Variants in PRH1 observed in about 807,000 individuals in gnomAD.
PRH1 encodes salivary acidic proline-rich phosphoprotein 1/2.
PRH1 carries 7 observed loss-of-function variants against 7.9 expected under a neutral mutation model. The observed-to-expected ratio is 0.89, with a 90% CI of 0.50 to 1.67. The LOEUF (loss-of-function observed/expected upper bound fraction) is 1.67. Among genes scored for constraint, PRH1 ranks in the 40% most tolerant of loss-of-function variants. The probability of loss-of-function intolerance (pLI) is 0.00; values close to 1 mark genes in which losing one functional copy is unlikely to be tolerated. For synonymous variants in PRH1, 45 were observed against 80.8 expected (o/e 0.56, Z 2.38); for missense variants, 109 against 223.6 (o/e 0.49, Z 3.27).
chr12:11,132,341 T>G (rs1946376266), intron 1 of PRH1, among the ~76,000 whole-genome samples: 1 of 152,266 alleles, frequency 6.6e-6, no homozygotes, highest in Non-Finnish European at 1.5e-5. Context: ...TTGACAGATT[T>G]TTTTTTAGAA....
chr12:10,892,617 A>G (rs1208043578), intron 2 of PRH1, among the ~76,000 whole-genome samples: 7 of 152,166 alleles, frequency 4.6e-5, no homozygotes, highest in African/African-American at 1.4e-4. Flanking sequence ...AGAATATCCC[A>G]TATCATGATA....
chr12:11,110,345 G>A (rs1945551766), intron 1 of PRH1, among the ~76,000 whole-genome samples: 1 of 152,012 alleles, frequency 6.6e-6, no homozygotes, highest in Admixed American at 6.5e-5. Context: ...CTTGAGAAGA[G>A]CACCCAAAAA....
chr12:11,044,251 G>T (rs957716561), intron 1 of PRH1, among the ~76,000 whole-genome samples: 1 of 152,144 alleles, frequency 6.6e-6, no homozygotes, highest in African/African-American at 2.4e-5. Flanking sequence ...GCAGAAGAAT[G>T]AAACTAGTCC....
chr12:10,938,236 AT>A (rs760868761), intron 2 of PRH1: 182 of 1,493,976 alleles, frequency 1.2e-4, no homozygotes, highest in Middle Eastern at 1.1e-3. Flanking sequence ...CTTAGGAGCT[AT>A]TTTTTTTCTA....
intron 2 of PRH1, among the ~76,000 whole-genome samples, chr12:10,904,218 A>G (rs1949769603): frequency 6.6e-6 from 1 of 152,064 alleles, no homozygotes; most frequent in African/African-American, 2.4e-5. Flanking sequence ...CCAAATAGCA[A>G]AAGCAACCCT....
intron 1 of PRH1, among the ~76,000 whole-genome samples, chr12:11,086,113 CA>C (rs1369726987): frequency 0.025 from 560 of 22,342 alleles, 24 homozygotes; most frequent in African/African-American, 0.034. Flanking sequence ...TTCCCCCCCC[CA>C]CACACACACC....
At chr12:11,066,561 T>C (rs77909008) in intron 1 of PRH1, among the ~76,000 whole-genome samples, 23,922 of 63,666 alleles carry the variant, frequency 0.38, 2,862 homozygotes, top group Non-Finnish European at 0.5. Context: ...CCCACAATGA[T>C]GGTCTTTTAA....
chr12:10,970,910 G>A (rs565081532), intron 2 of PRH1, among the ~76,000 whole-genome samples: 1 of 152,088 alleles, frequency 6.6e-6, no homozygotes, highest in South Asian at 2.1e-4. Context: ...TAGTCTATTT[G>A]ACTTTATTCA....
intron 1 of PRH1, among the ~76,000 whole-genome samples, chr12:11,101,695 A>G (rs1336657748): frequency 2.0e-5 from 3 of 152,184 alleles, no homozygotes; most frequent in Non-Finnish European, 4.4e-5. Context: ...ACAGAGTAAT[A>G]ACAACTAATA....
intron 1 of PRH1, among the ~76,000 whole-genome samples, chr12:11,073,596 G>A (rs148435543): frequency 0.014 from 2,141 of 151,832 alleles, no homozygotes; most frequent in South Asian, 0.029. Flanking sequence ...TTAAATCCCT[G>A]TTCAGTTAAC....
intron 2 of PRH1, chr12:10,909,250 A>C: frequency 6.2e-7 from 1 of 1,613,732 alleles, no homozygotes; most frequent in Non-Finnish European, 8.5e-7. Context: ...CCAATTATGA[A>C]TTCTGCAATT....
intron 1 of PRH1, among the ~76,000 whole-genome samples, chr12:11,168,213 GAA>G (rs66760114): frequency 0.36 from 7,049 of 19,384 alleles, 1,982 homozygotes; most frequent in East Asian, 0.67. Context: ...AAGAAAGAAA[GAA>G]GAAAGAAAGA....
chr12:11,084,808 TTTTTC>T (rs1944633562), intron 1 of PRH1, among the ~76,000 whole-genome samples: 2 of 113,034 alleles, frequency 1.8e-5, no homozygotes, highest in African/African-American at 3.0e-5. Flanking sequence ...TTCATATTCT[TTTTTC>T]TTTTCTTTTC....
intron 1 of PRH1, among the ~76,000 whole-genome samples, chr12:11,167,210 A>T (rs1947606788): frequency 6.6e-6 from 1 of 152,048 alleles, no homozygotes; most frequent in Non-Finnish European, 1.5e-5. Flanking sequence ...TCTGTCCTCA[A>T]CCTTTCCAGT....
intron 1 of PRH1, among the ~76,000 whole-genome samples, chr12:11,131,470 TA>T (rs1946337839): frequency 6.6e-6 from 1 of 152,238 alleles, no homozygotes; most frequent in African/African-American, 2.4e-5. Flanking sequence ...AACATTTTAG[TA>T]AAGTAGCTGG....
intron 2 of PRH1, among the ~76,000 whole-genome samples, chr12:10,925,338 A>G (rs541578634): frequency 2.0e-5 from 3 of 152,330 alleles, no homozygotes; most frequent in South Asian, 4.1e-4. Context: ...AATCTGTGCA[A>G]GTGGTATACA....
At chr12:11,008,159 T>C (rs1234652980) in intron 1 of PRH1, among the ~76,000 whole-genome samples, 2 of 152,002 alleles carry the variant, frequency 1.3e-5, no homozygotes, top group Non-Finnish European at 2.9e-5. Context: ...GCAGGTGACA[T>C]GATGTCAAAT....
At chr12:11,028,300 C>A (rs1345444360) in intron 1 of PRH1, among the ~76,000 whole-genome samples, 1 of 152,206 alleles carries the variant, frequency 6.6e-6, no homozygotes, top group Admixed American at 6.5e-5. Context: ...TCTCTCTCTT[C>A]CATGGACTAA....
chr12:11,117,217 T>A (rs1349721433), downstream of PRH1, among the ~76,000 whole-genome samples: 1 of 152,106 alleles, frequency 6.6e-6, no homozygotes, highest in African/African-American at 2.4e-5. Flanking sequence ...CTCAGTAAAT[T>A]TGCAGAATAC....
Sources: gnomAD v4.1 joint callset for allele counts (sites outside exome capture counted in the v4.1 genomes callset) on GRCh38, gnomAD v4.1.1 for gene constraint, MANE v1.5 for transcripts, NCBI Gene and HGNC (gene_info 2026-07-23, HGNC 2026-07-21) for gene names.